Variants in ARAP2 observed in about 807,000 individuals in gnomAD.
ARAP2 encodes arf-GAP with Rho-GAP domain, ANK repeat and PH domain-containing protein 2.
A neutral mutation model predicts 194.5 loss-of-function variants in ARAP2; 148 were observed. The ratio of observed to expected loss-of-function variants is 0.76; its 90% confidence interval spans 0.67 to 0.87. ARAP2 has a LOEUF of 0.87. Ranked by LOEUF, ARAP2 falls within the 40% of genes least tolerant of loss-of-function variation. ARAP2 has a pLI of 0.00. For missense variants in ARAP2, 2,128 were observed against 1,989.7 expected, an observed-to-expected ratio of 1.07 and a Z score of -1.32; for synonymous variants, 695 against 683.5, an observed-to-expected ratio of 1.02 and a Z score of -0.26.
At chr4:36,012,520 C>A (rs1447848415) in intron 9 of ARAP2, 2 of 152,160 alleles carry the variant, frequency 1.3e-5, no homozygotes, top group African/African-American at 4.8e-5. Context: ...GCTTGTCCTG[C>A]ACATTTGTAT....
chr4:36,047,094 G>T (rs552571840), intron 3 of ARAP2: 1 of 152,272 alleles, frequency 6.6e-6, no homozygotes, highest in South Asian at 2.1e-4. Context: ...AGATCTATAG[G>T]ACATGACTTA....
chr4:36,090,152 A>G (rs1336808877), intron 28 of ARAP2, among the ~76,000 whole-genome samples: 1 of 152,034 alleles, frequency 6.6e-6, no homozygotes, highest in African/African-American at 2.4e-5. Context: ...AACTAGAAAA[A>G]CTAGAAGAAA....
rs1716496432 is a variant in ARAP2, at chr4:36,019,478, A to T, written n.608-192T>A. 2.0e-5 allele frequency among the ~76,000 whole-genome samples: 3 copies of T among 149,302 alleles called. 1 individual carries two copies. Among genetic ancestry groups the T allele is most frequent in the African/African-American group, 7.8e-5 (3 of 38,650 alleles). On this transcript the variant is annotated intron_variant and non_coding_transcript_variant, in intron 5 of 12. Coordinates refer to the ARAP2 transcript ENST00000503225. ...CTTACAAACAATTTTAGGAATTGTG[A>T]TACTCGCGATGATGGAAGATTGACC...
chr4:36,018,039 CAT>C (rs1716193665), intron 6 of ARAP2, among the ~76,000 whole-genome samples: 1 of 152,022 alleles, frequency 6.6e-6, no homozygotes, highest in African/African-American at 2.4e-5. Flanking sequence ...ACTTTTATGA[CAT>C]ATGAAATGTA....
intron 5 of ARAP2, among the ~76,000 whole-genome samples, chr4:36,027,337 G>A (rs920674911): frequency 1.1e-4 from 16 of 151,860 alleles, no homozygotes; most frequent in Admixed American, 3.3e-4. Flanking sequence ...ATCTAAGCCC[G>A]TGCTCCTGGC....
intron 15 of ARAP2, among the ~76,000 whole-genome samples, chr4:36,153,756 T>C (rs542342567): frequency 2.6e-5 from 4 of 152,322 alleles, no homozygotes; most frequent in East Asian, 3.9e-4. Context: ...CCTAAACTCA[T>C]AGGCTAACTG....
chr4:36,076,393 G>T (rs139703781), intron 31 of ARAP2, among the ~76,000 whole-genome samples: 30 of 152,082 alleles, frequency 2.0e-4, no homozygotes, highest in South Asian at 6.2e-4. Flanking sequence ...CCATCTTAAA[G>T]ATAAATCAAA....
chr4:36,054,048 T>C (rs1021225792), intron 2 of ARAP2, among the ~76,000 whole-genome samples: 5 of 152,238 alleles, frequency 3.3e-5, no homozygotes, highest in Non-Finnish European at 5.9e-5. Flanking sequence ...CTTTCAATAA[T>C]GGTGTTTTTC....
chr4:36,177,776 T>G (rs1296683116), intron 9 of ARAP2, 51 bp downstream of exon 9: 9 of 1,483,914 alleles, frequency 6.1e-6, no homozygotes, highest in Non-Finnish European at 8.1e-6. Flanking sequence ...AAAACATAGT[T>G]GTTACTATAA....
At chr4:36,052,007 A>G (rs115938094) in exon 3 of ARAP2, 280 of 152,278 alleles carry the variant, frequency 1.8e-3, no homozygotes, top group African/African-American at 6.3e-3. Context: ...GAAACTAACC[A>G]TTTTCTGGAC....
At position 36,046,833 on chromosome 4, in the gene ARAP2, G is replaced by A. The variant is rs1191480903; in HGVS notation, n.386C>T. On this transcript the variant is annotated non_coding_transcript_exon_variant, in exon 4 of 13. Coordinates refer to the ARAP2 transcript ENST00000503225. Reference sequence around the variant, plus strand: ...AAAATCTCCAAAACAGTGACAGTGAGACACATTGTTACCCACCTCATTAGG... The same window carrying A: ...AAAATCTCCAAAACAGTGACAGTGAAACACATTGTTACCCACCTCATTAGG... The A allele has an allele frequency of 2.0e-5, 3 of 152,210 alleles. No individual in the cohort carries two copies. The East Asian group carries it at 5.8e-4, about 29-fold the overall frequency. 9.4% of individuals were successfully genotyped at this position (152,210 alleles called of 1,614,324 possible). A position where few individuals can be genotyped will look rare whatever the true frequency, so the allele number is the denominator to read the frequency against.
intron 3 of ARAP2, among the ~76,000 whole-genome samples, chr4:36,213,579 TC>T (rs1747242515): frequency 6.6e-6 from 1 of 152,040 alleles, no homozygotes; most frequent in African/African-American, 2.4e-5. Flanking sequence ...CACATGTCCT[TC>T]CCAACCTCTA....
intron 32 of ARAP2, 84 bp from the exon 33 acceptor site, chr4:36,068,362 T>C: frequency 5.0e-6 from 7 of 1,395,096 alleles, no homozygotes; most frequent in Non-Finnish European, 6.6e-6. Context: ...TAAAAGTTGA[T>C]GCTTCCTATA....
intron 19 of ARAP2, among the ~76,000 whole-genome samples, chr4:36,140,823 A>C (rs1195457342): frequency 1.3e-5 from 2 of 151,710 alleles, no homozygotes; most frequent in African/African-American, 2.4e-5. Flanking sequence ...AATTAAAACT[A>C]AAATGCAGTC....
chr4:36,005,625 A>T (rs190108686), intron 10 of ARAP2: 1 of 152,296 alleles, frequency 6.6e-6, no homozygotes, highest in African/African-American at 2.4e-5. Context: ...ATTTTATATT[A>T]TACAATTCTA....
intron 9 of ARAP2, among the ~76,000 whole-genome samples, chr4:36,010,680 T>G (rs556046205): frequency 2.6e-5 from 4 of 152,168 alleles, no homozygotes; most frequent in African/African-American, 9.6e-5. Context: ...ATGAATCCTC[T>G]TGCCTTTCCC....
chr4:36,058,504 T>C (rs2109269037), intron 1 of ARAP2, among the ~76,000 whole-genome samples: 1 of 152,332 alleles, frequency 6.6e-6, no homozygotes, highest in East Asian at 1.9e-4. Context: ...CTATAAAATA[T>C]TAGCCCACAT....
chr4:36,151,031 T>C lies in ARAP2; in HGVS notation c.2766A>G (p.Lys922=). 6.3e-7 allele frequency: 1 copy of C among 1,595,492 alleles called. No individual in the cohort carries two copies. Among genetic ancestry groups the C allele is most frequent in the Non-Finnish European group, 8.5e-7 (1 of 1,174,340 alleles). ...EKKLLEETNK[K]WCVLEGGFLS... ...AGAAGCCTCCTTCCAAAACACACCA[T>C]TTTTTATTTGTCTCTAAGAATTTGA... Residue 922 remains lysine, a synonymous_variant, in exon 16 of 33, where the codon AAA becomes AAG. Transcript: ENST00000303965.
intron 10 of ARAP2, chr4:36,006,327 T>C (rs1014114720): frequency 1.3e-5 from 2 of 152,182 alleles, no homozygotes; most frequent in African/African-American, 4.8e-5. Context: ...GTCTTAGACG[T>C]TTGGTGAGTT....
Sources: allele counts gnomAD v4.1 joint callset (sites outside exome capture counted in the v4.1 genomes callset), GRCh38; gene constraint gnomAD v4.1.1; transcripts MANE v1.5; gene names NCBI Gene and HGNC (gene_info 2026-07-23, HGNC 2026-07-21).